The following EMSY variants were observed in gnomAD, a reference collection of about 807,000 sequenced individuals.
The protein encoded by EMSY is BRCA2-interacting transcriptional repressor EMSY.
A neutral mutation model predicts 134.6 loss-of-function variants in EMSY; 26 were observed. The ratio of observed to expected loss-of-function variants is 0.19; its 90% CI spans 0.14 to 0.27. EMSY has a LOEUF of 0.27. Ranked by LOEUF, EMSY falls within the 10% of genes least tolerant of loss-of-function variation. EMSY has a pLI of 1.00. For synonymous variants in EMSY, 579 were observed against 577.8 expected (o/e 1.00, Z -0.03); for missense variants, 1,305 against 1,611.4 (o/e 0.81, Z 3.26).
At chr11:76,491,177 C>CT (rs61688457) in intron 8 of EMSY, among the ~76,000 whole-genome samples, 19,584 of 129,868 alleles carry the variant, frequency 0.15, 1,789 homozygotes, top group East Asian at 0.28. Context: ...CTTCTTTTTT[C>CT]TTTTTTTTTT....
exon 21 of EMSY, chr11:76,550,696 TCAGATCCCTAAC>T (rs1171759244): frequency 2.6e-5 from 4 of 152,388 alleles, no homozygotes; most frequent in Non-Finnish European, 5.9e-5. Context: ...ATGGTAGAAA[TCAGATCCCTAAC>T]CAGTGGGAGG....
At chr11:76,482,544 A>G (rs971668268) in intron 8 of EMSY, among the ~76,000 whole-genome samples, 18 of 152,378 alleles carry the variant, frequency 1.2e-4, no homozygotes, top group African/African-American at 4.3e-4. Context: ...ATTAGTTTAG[A>G]GAAAAACATA....
chr11:76,545,283 C>G (rs141028426), intron 19 of EMSY, among the ~76,000 whole-genome samples: 583 of 151,898 alleles, frequency 3.8e-3, no homozygotes, highest in Admixed American at 6.1e-3. Flanking sequence ...GATTTATCTT[C>G]TAGATTACAG....
intron 14 of EMSY, among the ~76,000 whole-genome samples, chr11:76,535,432 T>C (rs1951187946): frequency 6.6e-6 from 1 of 152,172 alleles, no homozygotes; most frequent in South Asian, 2.1e-4. Context: ...ATACAACACA[T>C]ATTTTCAGGT....
At chr11:76,537,157 T>C (rs1286571646) in intron 15 of EMSY, among the ~76,000 whole-genome samples, 1 of 152,216 alleles carries the variant, frequency 6.6e-6, no homozygotes, top group East Asian at 1.9e-4. Context: ...TTTGAACGCA[T>C]AGATTTTGTA....
intron 9 of EMSY, among the ~76,000 whole-genome samples, chr11:76,507,592 C>G (rs1432106915): frequency 1.3e-5 from 2 of 152,166 alleles, no homozygotes; most frequent in African/African-American, 4.8e-5. Flanking sequence ...AGAAGCAACT[C>G]CTCATCTAGT....
chr11:76,465,257 C>T (rs943229420), intron 7 of EMSY, among the ~76,000 whole-genome samples: 1 of 151,814 alleles, frequency 6.6e-6, no homozygotes, highest in African/African-American at 2.4e-5. Flanking sequence ...CATTGTTTTC[C>T]TACTCTAATA....
At chr11:76,517,522 A>G (rs1464028591) in intron 11 of EMSY, among the ~76,000 whole-genome samples, 1 of 151,996 alleles carries the variant, frequency 6.6e-6, no homozygotes. Flanking sequence ...GACCTTAAGG[A>G]TTTTTCTTTA....
intron 9 of EMSY, among the ~76,000 whole-genome samples, chr11:76,501,583 G>A (rs1306724740): frequency 9.0e-6 from 1 of 111,410 alleles, no homozygotes; most frequent in African/African-American, 3.4e-5. Flanking sequence ...GTGTAGATCT[G>A]AACTGGCAGA....
intron 1 of EMSY, among the ~76,000 whole-genome samples, chr11:76,446,335 GTATATATATATGTGTA>G (rs1947398971): frequency 1.9e-5 from 1 of 53,048 alleles, no homozygotes; most frequent in Non-Finnish European, 3.5e-5. Flanking sequence ...ATATATATAT[GTATATATATATGTGTA>G]TATATATATA....
chr11:76,465,612 A>C (rs1420267966), intron 7 of EMSY, among the ~76,000 whole-genome samples: 1 of 151,548 alleles, frequency 6.6e-6, no homozygotes, highest in Non-Finnish European at 1.5e-5. Flanking sequence ...TAAAAAAAAA[A>C]AAAGCATCCT....
intron 4 of EMSY, 134 bp from the exon 6 acceptor site, chr11:76,458,049 G>C (rs980974686): frequency 4.7e-6 from 3 of 639,350 alleles, no homozygotes; most frequent in Non-Finnish European, 7.3e-6. Context: ...GATCTTGCTT[G>C]CTTAAAATAA....
At chr11:76,526,585 G>A (rs1356996329) in exon 13 of EMSY, 9 of 1,613,564 alleles carry the variant, frequency 5.6e-6, no homozygotes, top group African/African-American at 1.3e-5. Context: ...TCAACCAGCA[G>A]CTAAAATCAT....
At chr11:76,516,143 C>T (rs1209266609) in exon 11 of EMSY, 38 of 1,610,030 alleles carry the variant, frequency 2.4e-5, no homozygotes, top group Non-Finnish European at 3.1e-5. Flanking sequence ...TTTCTGTAGG[C>T]ACACAAGCAA....
rs558368531 is a variant in EMSY, at chr11:76,540,772, G to C, written c.2557+1132G>C. On this transcript the variant is annotated intron_variant, in intron 17 of 20. Transcript: ENST00000334736. ...GTGCTATTTGAAATTATAGATCAGG[G>C]TATATGAACATTAGAATCATGGGTT... 2.6e-5 allele frequency among the ~76,000 whole-genome samples: 4 copies of C among 152,226 alleles called. No homozygotes were observed. The East Asian group carries it at 5.8e-4, about 22-fold the overall frequency.
chr11:76,495,427 T>C (rs552666947), intron 8 of EMSY, among the ~76,000 whole-genome samples: 2 of 152,348 alleles, frequency 1.3e-5, no homozygotes, highest in African/African-American at 4.8e-5. Context: ...ATAGTCCTTT[T>C]AGATAGTTGA....
intron 8 of EMSY, among the ~76,000 whole-genome samples, chr11:76,476,479 A>G (rs1948773300): frequency 6.6e-6 from 1 of 152,204 alleles, no homozygotes; most frequent in African/African-American, 2.4e-5. Context: ...TGGGAAAAGC[A>G]GGATACATGC....
downstream of EMSY, chr11:76,551,575 A>G (rs1760450109): frequency 6.6e-6 from 1 of 152,662 alleles, no homozygotes; most frequent in South Asian, 2.1e-4. Flanking sequence ...CATTCATAAG[A>G]TGCGCTGATC....
Position 76,473,510 on chromosome 11 carries a change from T to C in EMSY, c.1108+670T>C, listed in dbSNP as rs149494951. ...TTTTGGTAGAGATGGGGTCTCACCA[T>C]GTTGCCCAGGCTGGTCTGGAACTCC... On this transcript the variant is annotated intron_variant, in intron 8 of 20. Coordinates refer to ENST00000334736, the Ensembl canonical transcript of EMSY. Among the ~76,000 whole-genome samples, 1,263 of 151,956 alleles carry C rather than the reference T, an allele frequency of 8.3e-3. 7 individuals carry two copies. The highest frequency in any genetic ancestry group is 0.02 in the Middle Eastern group (6 of 294).
Sources: gnomAD v4.1 joint callset for allele counts (sites outside exome capture counted in the v4.1 genomes callset) on GRCh38, gnomAD v4.1.1 for gene constraint, MANE v1.5 for transcripts, NCBI Gene and HGNC (gene_info 2026-07-23, HGNC 2026-07-21) for gene names.